SCRG1: variants seen among roughly 807,000 people sequenced by gnomAD.
The protein encoded by SCRG1 is scrapie-responsive protein 1.
Under a neutral mutation model 7.7 loss-of-function variants are expected in SCRG1, and 3 were observed. The ratio of observed to expected loss-of-function variants is 0.39; its 90% CI spans 0.18 to 1.01. SCRG1 has a LOEUF of 1.01. SCRG1 is among the 50% of genes least tolerant of loss of function. The probability of loss-of-function intolerance (pLI) is 0.36; values close to 1 mark genes in which losing one functional copy is unlikely to be tolerated. For synonymous variants in SCRG1, 46 were observed against 41.2 expected (o/e 1.12, Z -0.44); for missense variants, 110 against 117.2 (o/e 0.94, Z 0.28).
the SCRG1 span, among the ~76,000 whole-genome samples, chr4:173,420,738 G>C: frequency 1.3e-5 from 2 of 151,812 alleles, no homozygotes; most frequent in Non-Finnish European, 2.9e-5. Flanking sequence ...ATAGAAAACA[G>C]GATGCAAGTT....
chr4:173,506,810 T>C, the SCRG1 span, among the ~76,000 whole-genome samples: 2 of 152,172 alleles, frequency 1.3e-5, no homozygotes, highest in African/African-American at 4.8e-5. The surrounding 1 kb of genome is among the most constrained non-coding windows in gnomAD (Gnocchi z 5.3). Context: ...CGGCGGTGTC[T>C]AGTCCAGTCC....
the SCRG1 span, among the ~76,000 whole-genome samples, chr4:173,488,422 TA>T: frequency 1.3e-5 from 2 of 152,156 alleles, no homozygotes; most frequent in South Asian, 2.1e-4. Context: ...GAATTACAGG[TA>T]ACCATGGAAG....
the SCRG1 span, among the ~76,000 whole-genome samples, chr4:173,454,176 G>A: frequency 6.6e-5 from 10 of 151,986 alleles, no homozygotes; most frequent in East Asian, 3.9e-4. Flanking sequence ...GGTGGAGATC[G>A]CTTTTACTTA....
chr4:173,482,722 G>A, the SCRG1 span, among the ~76,000 whole-genome samples: 1 of 151,436 alleles, frequency 6.6e-6, no homozygotes, highest in Non-Finnish European at 1.5e-5. Context: ...GGAGGCTGAG[G>A]CCAGAGGACC....
the SCRG1 span, among the ~76,000 whole-genome samples, chr4:173,431,171 G>C: frequency 6.6e-6 from 1 of 152,076 alleles, no homozygotes; most frequent in African/African-American, 2.4e-5. Context: ...AAGAGAAAAG[G>C]CAAACAGAGT....
chr4:173,437,053 C>G, the SCRG1 span, among the ~76,000 whole-genome samples: 1 of 152,224 alleles, frequency 6.6e-6, no homozygotes, highest in Non-Finnish European at 1.5e-5. Flanking sequence ...TGCAATTCTT[C>G]TCTGCGGAAT....
upstream of SCRG1, among the ~76,000 whole-genome samples, chr4:173,408,421 A>C (rs1310904541): frequency 2.6e-5 from 4 of 152,192 alleles, no homozygotes; most frequent in Admixed American, 2.6e-4. Context: ...AATTTTTACT[A>C]TGCTTCCACA....
At chr4:173,456,515 C>T in the SCRG1 span, among the ~76,000 whole-genome samples, 102 of 152,274 alleles carry the variant, frequency 6.7e-4, no homozygotes, top group African/African-American at 2.0e-3. Flanking sequence ...ATAACACACA[C>T]GTGCATACAC....
At chr4:173,499,832 A>G in the SCRG1 span, among the ~76,000 whole-genome samples, 92,675 of 152,126 alleles carry the variant, frequency 0.61, 32,146 homozygotes, top group Non-Finnish European at 0.79. The surrounding 1 kb of genome is among the most constrained non-coding windows in gnomAD (Gnocchi z 4.1). Flanking sequence ...AAAGAAAGGA[A>G]AGGAGAAAAA....
chr4:173,487,156 AG>A, the SCRG1 span, among the ~76,000 whole-genome samples: 1 of 152,220 alleles, frequency 6.6e-6, no homozygotes, highest in Non-Finnish European at 1.5e-5. Context: ...TCTAATGTGC[AG>A]GCAGGGCTGA....
At chr4:173,510,284 T>C in the SCRG1 span, among the ~76,000 whole-genome samples, 1 of 151,838 alleles carries the variant, frequency 6.6e-6, no homozygotes, top group African/African-American at 2.4e-5. The surrounding 1 kb of genome is among the most constrained non-coding windows in gnomAD (Gnocchi z 5.7). Flanking sequence ...GGGGCTGTGG[T>C]TTGGTTTGTT....
the SCRG1 span, among the ~76,000 whole-genome samples, chr4:173,415,625 T>C: frequency 6.6e-6 from 1 of 152,220 alleles, no homozygotes; most frequent in Non-Finnish European, 1.5e-5. Context: ...AAACGACCTT[T>C]ATTTCTCATG....
At chr4:173,424,858 G>A in the SCRG1 span, among the ~76,000 whole-genome samples, 7 of 134,624 alleles carry the variant, frequency 5.2e-5, no homozygotes, top group Admixed American at 1.7e-4. Flanking sequence ...GTGGCAAGCC[G>A]AGATCGCACC....
chr4:173,467,276 C>G, the SCRG1 span, among the ~76,000 whole-genome samples: 4 of 152,038 alleles, frequency 2.6e-5, no homozygotes, highest in African/African-American at 4.8e-5. Flanking sequence ...AGAATCATAT[C>G]ATCTAGCTTT....
At chr4:173,393,732 A>G (rs1739514833) in intron 1 of SCRG1, among the ~76,000 whole-genome samples, 1 of 151,984 alleles carries the variant, frequency 6.6e-6, no homozygotes, top group Non-Finnish European at 1.5e-5. Context: ...GTTTCCTACT[A>G]TTATTGTGTT....
chr4:173,515,716 TG>T, the SCRG1 span, among the ~76,000 whole-genome samples: 12 of 152,078 alleles, frequency 7.9e-5, no homozygotes, highest in East Asian at 2.3e-3. This position sits in a 1 kb window ranked among gnomAD's most constrained non-coding sequence, Gnocchi z 4.6. Flanking sequence ...CGACTTCAGG[TG>T]GCCCTCTGTG....
chr4:173,434,372 G>A, the SCRG1 span, among the ~76,000 whole-genome samples: 2 of 152,102 alleles, frequency 1.3e-5, no homozygotes, highest in Admixed American at 6.6e-5. Flanking sequence ...GGGAACTAAA[G>A]GAATCCTTTC....
chr4:173,497,749 C>G, the SCRG1 span, among the ~76,000 whole-genome samples: 1 of 148,606 alleles, frequency 6.7e-6, no homozygotes, highest in South Asian at 2.1e-4. Flanking sequence ...CAGCTCACTG[C>G]AACCTCAGTC....
chr4:173,497,905 C>T, the SCRG1 span, among the ~76,000 whole-genome samples: 3 of 152,068 alleles, frequency 2.0e-5, no homozygotes, highest in Admixed American at 2.0e-4. Context: ...GTCTCGAACT[C>T]CGGACCTCAG....
Sources: allele counts gnomAD v4.1 joint callset (sites outside exome capture counted in the v4.1 genomes callset), GRCh38; gene constraint gnomAD v4.1.1; non-coding constraint Gnocchi (gnomAD v3.1); transcripts MANE v1.5; gene names NCBI Gene and HGNC (gene_info 2026-07-23, HGNC 2026-07-21).